ABI2: variants seen among roughly 807,000 people sequenced by gnomAD.
ABI2 encodes abelson interactor 2.
A neutral mutation model predicts 59.2 loss-of-function variants in ABI2; 25 were observed. That is an observed-to-expected ratio of 0.42 (90% CI 0.31 to 0.59). The LOEUF (loss-of-function observed/expected upper bound fraction) is 0.59, where lower values mean the gene tolerates loss of function less well. Among genes scored for constraint, ABI2 ranks in the 20% least tolerant of loss-of-function variants. ABI2 has a pLI of 0.14. For missense variants in ABI2, 545 were observed against 681.8 expected (o/e 0.80, Z 2.23); for synonymous variants, 213 against 235.5 (o/e 0.90, Z 0.87).
At chr2:203,328,910 C>T (rs2070562609) in intron 1 of ABI2, 1 of 274,716 alleles carries the variant, frequency 3.6e-6, no homozygotes, top group Non-Finnish European at 6.8e-6. Context: ...CGCCCCCGCA[C>T]TCCGCGCCGG....
At chr2:203,351,691 G>A in intron 1 of ABI2, 1 of 329,684 alleles carries the variant, frequency 3.0e-6, no homozygotes, top group Admixed American at 4.5e-5. Context: ...GCGTGCTACT[G>A]TGCCCGGCTG....
At chr2:203,346,394 A>G (rs548597471) in intron 1 of ABI2, among the ~76,000 whole-genome samples, 1 of 152,338 alleles carries the variant, frequency 6.6e-6, no homozygotes, top group Admixed American at 6.5e-5. Context: ...TTGGGAATAT[A>G]TGGGACTAAT....
chr2:203,391,187 G>A (rs1340922854), intron 5 of ABI2, 44 bp downstream of exon 5: 1 of 1,320,536 alleles, frequency 7.6e-7, no homozygotes, highest in Non-Finnish European at 1.0e-6. Context: ...ATGTAGTATT[G>A]TTTAAAAATG....
At chr2:203,392,275 TCACCACCACCACCACCAC>T (rs75654136) in intron 5 of ABI2, among the ~76,000 whole-genome samples, 2 of 127,264 alleles carry the variant, frequency 1.6e-5, no homozygotes, top group South Asian at 2.9e-4. Flanking sequence ...ACCACCACCA[TCACCACCACCACCACCAC>T]CACCACCACC....
chr2:203,348,905 G>GT (rs1347289869), intron 1 of ABI2, among the ~76,000 whole-genome samples: 1 of 151,600 alleles, frequency 6.6e-6, no homozygotes, highest in African/African-American at 2.4e-5. Flanking sequence ...CTTGCTGAAG[G>GT]TGTTTTTTTT....
intron 1 of ABI2, among the ~76,000 whole-genome samples, chr2:203,360,953 C>A (rs1007052596): frequency 6.6e-6 from 1 of 152,126 alleles, no homozygotes; most frequent in Non-Finnish European, 1.5e-5. Flanking sequence ...TCAAGGATGA[C>A]GTATGCTCTG....
intron 11 of ABI2, among the ~76,000 whole-genome samples, chr2:203,424,983 C>T (rs1014474020): frequency 6.6e-6 from 1 of 151,514 alleles, no homozygotes; most frequent in Non-Finnish European, 1.5e-5. Context: ...GGTGATTCTC[C>T]CAAGTAGCTG....
intron 10 of ABI2, among the ~76,000 whole-genome samples, chr2:203,415,962 GC>G (rs1275704172): frequency 1.3e-5 from 2 of 152,156 alleles, no homozygotes; most frequent in Admixed American, 6.6e-5. Context: ...TGGACATTTA[GC>G]CTGAAGAAAT....
chr2:203,328,648 G>A lies in ABI2; in HGVS notation c.117+17G>A, dbSNP rs897663265. On this transcript the variant is annotated intron_variant, in intron 1 of 11. Coordinates refer to ENST00000261018, the MANE Select transcript of ABI2 (RefSeq NM_001375670.1). ...TACATACAGGTGCGAAGCATCCCCA[G>A]CTGGGCCGCGTCGGGGACCCCCCCG... The A allele has an allele frequency of 8.6e-6, 13 of 1,519,152 alleles. No homozygotes were observed. The highest frequency in any genetic ancestry group is 9.7e-6 in the Non-Finnish European group (11 of 1,130,918). 94.1% of individuals were successfully genotyped at this position (1,519,152 alleles called of 1,614,324 possible).
At chr2:203,401,378 T>G (rs1008133579) in intron 8 of ABI2, among the ~76,000 whole-genome samples, 1 of 152,126 alleles carries the variant, frequency 6.6e-6, no homozygotes, top group Non-Finnish European at 1.5e-5. Flanking sequence ...TGCCCTCCCC[T>G]TCTCCCTTGT....
At chr2:203,364,091 CTTTTT>C (rs75432257) in intron 1 of ABI2, among the ~76,000 whole-genome samples, 1 of 140,484 alleles carries the variant, frequency 7.1e-6, no homozygotes, top group African/African-American at 2.6e-5. Context: ...GTCCATTCAT[CTTTTT>C]TTTTTTTTTA....
intron 1 of ABI2, among the ~76,000 whole-genome samples, chr2:203,346,857 C>A (rs1281309931): frequency 1.3e-5 from 2 of 152,164 alleles, no homozygotes; most frequent in Non-Finnish European, 2.9e-5. Context: ...TCTTGCAGTG[C>A]TAGCTGTTAA....
chr2:203,407,334 A>G (rs1559354402), intron 9 of ABI2, among the ~76,000 whole-genome samples: 1 of 152,028 alleles, frequency 6.6e-6, no homozygotes, highest in African/African-American at 2.4e-5. Flanking sequence ...AAGCATCTCA[A>G]CTCGCATGGG....
intron 1 of ABI2, among the ~76,000 whole-genome samples, chr2:203,349,461 A>G (rs555300905): frequency 5.3e-5 from 8 of 151,892 alleles, no homozygotes; most frequent in African/African-American, 1.7e-4. Flanking sequence ...CTGGAGTGCA[A>G]TGGTAGGATC....
chr2:203,385,251 C>CCTCCTGAGTA (rs1324781651), intron 4 of ABI2, among the ~76,000 whole-genome samples: 8 of 150,296 alleles, frequency 5.3e-5, no homozygotes, highest in Middle Eastern at 6.8e-3. Flanking sequence ...CCTGCCTCAA[C>CCTCCTGAGTA]CTCCTGAGTA....
At chr2:203,419,203 G>A (rs960235930) in intron 11 of ABI2, among the ~76,000 whole-genome samples, 2 of 147,444 alleles carry the variant, frequency 1.4e-5, no homozygotes, top group Admixed American at 1.4e-4. Context: ...TCCACCTCCC[G>A]GGTTCACGCC....
At chr2:203,401,680 T>G (rs899714299) in intron 8 of ABI2, among the ~76,000 whole-genome samples, 1 of 152,180 alleles carries the variant, frequency 6.6e-6, no homozygotes, top group Non-Finnish European at 1.5e-5. Flanking sequence ...TGATTGTAAA[T>G]TTTTTAGATT....
intron 5 of ABI2, among the ~76,000 whole-genome samples, chr2:203,393,770 T>G (rs2096865280): frequency 6.6e-6 from 1 of 152,188 alleles, no homozygotes; most frequent in African/African-American, 2.4e-5. Flanking sequence ...CAGTTCTTAT[T>G]CTTTTAGTGA....
intron 11 of ABI2, among the ~76,000 whole-genome samples, chr2:203,420,962 T>TGG (rs924267271): frequency 4.0e-5 from 1 of 25,138 alleles, no homozygotes; most frequent in Non-Finnish European, 7.8e-5. Context: ...TGCATGAGGG[T>TGG]GGGGGTGGGT....
Sources: gnomAD v4.1 joint callset for allele counts (sites outside exome capture counted in the v4.1 genomes callset) on GRCh38, gnomAD v4.1.1 for gene constraint, MANE v1.5 for transcripts, NCBI Gene and HGNC (gene_info 2026-07-23, HGNC 2026-07-21) for gene names.